Variants in DTNB observed in about 807,000 individuals in gnomAD.
DTNB encodes the protein DTN-B.
Under a neutral mutation model 90.7 loss-of-function variants are expected in DTNB, and 63 were observed. The ratio of observed to expected loss-of-function variants is 0.69; its 90% CI spans 0.57 to 0.86. The LOEUF is 0.86. DTNB is among the 40% of genes least tolerant of loss of function. DTNB has a pLI of 0.00. For synonymous variants in DTNB, 277 were observed against 286.7 expected, an observed-to-expected ratio of 0.97 and a Z score of 0.34; for missense variants, 744 against 807.1, an observed-to-expected ratio of 0.92 and a Z score of 0.95.
intron 9 of DTNB, among the ~76,000 whole-genome samples, chr2:25,483,747 T>C (rs2065482219): frequency 6.6e-6 from 1 of 152,200 alleles, no homozygotes; most frequent in Non-Finnish European, 1.5e-5. Context: ...ACAAAAGGGT[T>C]CTGTCTTGCA....
At chr2:25,560,801 A>T (rs1169122403) in intron 8 of DTNB, among the ~76,000 whole-genome samples, 1 of 152,156 alleles carries the variant, frequency 6.6e-6, no homozygotes, top group Non-Finnish European at 1.5e-5. Flanking sequence ...TTGCAGAGAG[A>T]GTGTGGCTCT....
intron 8 of DTNB, among the ~76,000 whole-genome samples, chr2:25,533,719 G>C (rs2078730688): frequency 1.3e-5 from 2 of 152,128 alleles, no homozygotes; most frequent in Admixed American, 1.3e-4. Context: ...TCTGTATCTT[G>C]GCATGTGCCT....
At chr2:25,473,580 G>A (rs2063210885) in intron 10 of DTNB, among the ~76,000 whole-genome samples, 1 of 152,162 alleles carries the variant, frequency 6.6e-6, no homozygotes, top group South Asian at 2.1e-4. Flanking sequence ...GAAAAGGGGT[G>A]TGTGCGCATG....
chr2:25,517,027 A>G (rs145605451), intron 9 of DTNB, among the ~76,000 whole-genome samples: 166 of 152,378 alleles, frequency 1.1e-3, no homozygotes, highest in Non-Finnish European at 2.0e-3. Flanking sequence ...GTTATTCATA[A>G]GAGTCAAAAA....
intron 16 of DTNB, among the ~76,000 whole-genome samples, chr2:25,389,363 G>C (rs2040445004): frequency 1.3e-5 from 2 of 152,268 alleles, no homozygotes; most frequent in African/African-American, 4.8e-5. Flanking sequence ...CATGGGGCCA[G>C]TCATGCCACA....
intron 8 of DTNB, among the ~76,000 whole-genome samples, chr2:25,573,980 G>T (rs559314485): frequency 1.3e-5 from 2 of 152,122 alleles, no homozygotes; most frequent in South Asian, 4.2e-4. Context: ...TCCTAATGAC[G>T]TTCTTTCCAC....
chr2:25,536,753 A>G (rs2079910193), intron 8 of DTNB, among the ~76,000 whole-genome samples: 1 of 151,896 alleles, frequency 6.6e-6, no homozygotes, highest in African/African-American at 2.4e-5. Flanking sequence ...GGGAGAGGGG[A>G]GAGGGAGAGC....
intron 1 of DTNB, among the ~76,000 whole-genome samples, chr2:25,660,497 T>A (rs1227901481): frequency 6.6e-6 from 1 of 152,144 alleles, no homozygotes; most frequent in Non-Finnish European, 1.5e-5. Flanking sequence ...ATGATGCAAA[T>A]GTTCTGAAAT....
At chr2:25,416,804 CGAAGGAAGGAAGGAAG>C (rs56106629) in intron 16 of DTNB, among the ~76,000 whole-genome samples, 19 of 130,066 alleles carry the variant, frequency 1.5e-4, no homozygotes, top group South Asian at 5.0e-4. Flanking sequence ...AAGGAAGGAA[CGAAGGAAGGAAGGAAG>C]GAAGGAAGGA....
chr2:25,648,276 G>A (rs1169251850), intron 2 of DTNB, among the ~76,000 whole-genome samples: 4 of 151,768 alleles, frequency 2.6e-5, no homozygotes, highest in South Asian at 2.1e-4. Context: ...AATATTTATC[G>A]AGGCACCATC....
rs1248045949 is a variant in DTNB at position 25,388,331 on chromosome 2, G to A, written c.1606C>T (p.Pro536Ser). The change falls in exon 17 of 21, where the codon CCC (proline) becomes TCC (serine). Residue 536 changes from proline to serine, a missense_variant. Physicochemically the swap from Pro to Ser is moderately conservative, Grantham distance 74. Coordinates refer to ENST00000406818, the MANE Select transcript of DTNB (RefSeq NM_021907.5). The stretch of plus-strand genomic sequence containing the variant: ...ATTGGCCGGCCGCCTCCATGGGTGG[G>A]CGATGTATGTGGTGACCCTGTGGCC... ...AQATGSPHTS[P>S]THGGGRPMPM... 3.7e-6 allele frequency: 6 copies of A among 1,612,886 alleles called. No homozygotes were observed. The highest frequency in any genetic ancestry group is 5.1e-6 in the Non-Finnish European group (6 of 1,179,176).
At chr2:25,558,265 G>A (rs2057698946) in intron 8 of DTNB, 11 of 985,260 alleles carry the variant, frequency 1.1e-5, no homozygotes, top group Non-Finnish European at 1.3e-5. Context: ...GAAAGCATGA[G>A]GTATTCAGGC....
intron 3 of DTNB, among the ~76,000 whole-genome samples, chr2:25,636,551 A>C (rs2077160914): frequency 6.6e-6 from 1 of 152,162 alleles, no homozygotes; most frequent in African/African-American, 2.4e-5. Flanking sequence ...TTTGACCACG[A>C]GCACAGAAAT....
chr2:25,619,296 T>C (rs187773884), intron 4 of DTNB, among the ~76,000 whole-genome samples: 7 of 152,318 alleles, frequency 4.6e-5, no homozygotes, highest in East Asian at 3.9e-4. Flanking sequence ...CCGATTATCA[T>C]ATGTAGCTAA....
At chr2:25,580,890 AT>A in intron 6 of DTNB, 64 bp from the exon 7 acceptor site, 1 of 1,434,408 alleles carries the variant, frequency 7.0e-7, no homozygotes, top group Non-Finnish European at 9.5e-7. Flanking sequence ...TCCAAGTTTA[AT>A]TTAGGATTTT....
At chr2:25,647,714 A>T (rs901713124) in intron 2 of DTNB, among the ~76,000 whole-genome samples, 29 of 152,150 alleles carry the variant, frequency 1.9e-4, no homozygotes, top group African/African-American at 5.8e-4. Flanking sequence ...GTCTCTATCA[A>T]TCAGCCAATC....
chr2:25,426,087 C>T (rs2051490681), intron 15 of DTNB, among the ~76,000 whole-genome samples: 1 of 152,156 alleles, frequency 6.6e-6, no homozygotes, highest in Non-Finnish European at 1.5e-5. Context: ...AAACCTACAG[C>T]TAATATGCTA....
At position 25,586,476 on chromosome 2, in the gene DTNB, C is replaced by A. The variant is rs377134771; in HGVS notation, c.604-5650G>T. On this transcript the variant is annotated intron_variant, in intron 6 of 20. Coordinates refer to ENST00000406818, the MANE Select transcript of DTNB (RefSeq NM_021907.5). ...AGTGAGTCGAGATTGCGCCACTGCACTCCAGCCTGGGCGACAGAGCATGAC... is the reference window on the plus strand; with the variant it reads ...AGTGAGTCGAGATTGCGCCACTGCAATCCAGCCTGGGCGACAGAGCATGAC... Among the ~76,000 whole-genome samples the A allele has an allele frequency of 1.3e-4, 20 of 148,558 alleles. No individual in the cohort carries two copies. The South Asian group carries it at 1.7e-3, about 13-fold the overall frequency.
At chr2:25,409,232 T>C (rs993241280) in intron 16 of DTNB, among the ~76,000 whole-genome samples, 7 of 149,788 alleles carry the variant, frequency 4.7e-5, no homozygotes, top group African/African-American at 1.5e-4. Context: ...CTGGATTTCA[T>C]TCATTCATTC....
Sources: allele counts gnomAD v4.1 joint callset (sites outside exome capture counted in the v4.1 genomes callset), GRCh38; gene constraint gnomAD v4.1.1; transcripts MANE v1.5; gene names NCBI Gene and HGNC (gene_info 2026-07-23, HGNC 2026-07-21).